The following RNF43 variants were observed in gnomAD, a reference collection of about 807,000 sequenced individuals.
RNF43 encodes the protein E3 ubiquitin-protein ligase RNF43.
In RNF43, 37 loss-of-function variants were observed where a neutral mutation model predicts 78.4. The observed-to-expected ratio is 0.47, with a 90% CI of 0.36 to 0.62. RNF43 has a LOEUF of 0.62. Ranked by LOEUF, RNF43 falls within the 20% of genes least tolerant of loss-of-function variation. The pLI is 0.00. For synonymous variants in RNF43, 347 were observed against 395.0 expected (o/e 0.88, Z 1.44); for missense variants, 774 against 1,007.9 (o/e 0.77, Z 3.14).
Position 58,358,855 on chromosome 17 carries a change from A to C in RNF43, c.953-32T>G, listed in dbSNP as rs996904389. 2 of 1,461,314 alleles carry C rather than the reference A, an allele frequency of 1.4e-6. No individual in the cohort carries two copies. The highest frequency in any genetic ancestry group is 1.8e-6 in the Non-Finnish European group (2 of 1,110,682). 90.5% of individuals were successfully genotyped at this position (1,461,314 alleles called of 1,614,324 possible). The stretch of plus-strand genomic sequence containing the variant: ...AAAAGAACCAAGAGCACAGATGTTT[A>C]ACTCTACAAACCTACAGAGAATGCA... On this transcript the variant is annotated intron_variant, in intron 8 of 9. Transcript: ENST00000407977. The surrounding 1 kb of genome is among the most constrained non-coding windows in gnomAD (Gnocchi z 6.2).
At chr17:58,368,652 G>A (rs542286329) in intron 3 of RNF43, among the ~76,000 whole-genome samples, 1 of 151,082 alleles carries the variant, frequency 6.6e-6, no homozygotes, top group East Asian at 1.9e-4. Context: ...GGCAGAGGTT[G>A]CAGTGAGCCG....
chr17:58,405,362 C>A (rs1248177734), intron 2 of RNF43, among the ~76,000 whole-genome samples: 1 of 152,026 alleles, frequency 6.6e-6, no homozygotes, highest in Non-Finnish European at 1.5e-5. Flanking sequence ...CAGGCGTGAG[C>A]CACCGCACCC....
At chr17:58,367,573 A>C (rs1972983732) in intron 3 of RNF43, among the ~76,000 whole-genome samples, 1 of 152,186 alleles carries the variant, frequency 6.6e-6, no homozygotes, top group African/African-American at 2.4e-5. Context: ...GCTTTTCTCC[A>C]GATCTAGCTC....
At chr17:58,352,862 AT>A (rs1972589069), downstream of RNF43, 1 of 218,486 alleles carries the variant, frequency 4.6e-6, no homozygotes, top group Non-Finnish European at 9.2e-6. Flanking sequence ...TTTGTAGGAG[AT>A]TAGGTGTCCT....
intron 2 of RNF43, among the ~76,000 whole-genome samples, chr17:58,384,582 C>T (rs1973392415): frequency 6.6e-6 from 1 of 152,176 alleles, no homozygotes; most frequent in African/African-American, 2.4e-5. Context: ...ATTAGTACCA[C>T]CCGTTCCACA....
intron 1 of RNF43, chr17:58,416,178 T>A (rs1974120402): frequency 6.3e-6 from 1 of 158,286 alleles, no homozygotes; most frequent in Admixed American, 6.4e-5. Flanking sequence ...CACACGTTGA[T>A]GTCCAAAGAT....
Position 58,360,331 on chromosome 17 carries a change from C to G in RNF43, c.850-80G>C. ...AGGAATCAGGACATCCCCCAACTCC[C>G]TTAGGCCTCTCCTTGCTATTATCTA... On this transcript the variant is annotated intron_variant, in intron 7 of 9. Transcript: ENST00000407977. This position sits in a 1 kb window ranked among gnomAD's most constrained non-coding sequence, Gnocchi z 4.3. The G allele has an allele frequency of 1.0e-6, 1 of 978,722 alleles. No individual in the cohort carries two copies. The highest frequency in any genetic ancestry group is 1.3e-5 in the South Asian group (1 of 75,542). The allele number at this position is 978,722 out of a possible 1,614,324, so 60.6% of individuals were successfully genotyped here. A position where few individuals can be genotyped will look rare whatever the true frequency, so the allele number is the denominator to read the frequency against.
At chr17:58,381,154 G>C (rs924660144) in intron 2 of RNF43, among the ~76,000 whole-genome samples, 1 of 152,232 alleles carries the variant, frequency 6.6e-6, no homozygotes, top group Non-Finnish European at 1.5e-5. Context: ...CATAGGGGTA[G>C]TTGTACTCAG....
chr17:58,356,802 G>A (rs914748855), intron 9 of RNF43, among the ~76,000 whole-genome samples: 6 of 151,456 alleles, frequency 4.0e-5, no homozygotes, highest in Admixed American at 3.3e-4. Context: ...ACTGAGCTGT[G>A]AGCATTGGTA....
In RNF43 at chr17:58,360,485, A is replaced by T. The variant is rs1020691185; in HGVS notation, c.850-234T>A. Among the ~76,000 whole-genome samples the T allele has an allele frequency of 6.6e-6, 1 of 152,232 alleles. No individual in the cohort carries two copies. The highest frequency in any genetic ancestry group is 6.5e-5 in the Admixed American group (1 of 15,280). ...GACAGTTTTCTGCTGTAAAATGAAG[A>T]TAAAAAAATGAATCTAACCCCACCC... On this transcript the variant is annotated intron_variant, in intron 7 of 9. Transcript: ENST00000407977. This position sits in a 1 kb window ranked among gnomAD's most constrained non-coding sequence, Gnocchi z 4.3.
rs1476396767 is a variant in RNF43 at position 58,358,424 on chromosome 17, C to T, written c.1352G>A (p.Cys451Tyr). Residue 451 changes from cysteine (C) to tyrosine (Y), a missense_variant, in exon 9 of 10, where the codon TGC becomes TAC. Physicochemically the swap from Cys to Tyr is radical, Grantham distance 194. Transcript: ENST00000407977. This position sits in a 1 kb window ranked among gnomAD's most constrained non-coding sequence, Gnocchi z 6.2. ...PDSSGSGESY[C>Y]TERSGYLADG... ...TGCCAGGTACCCACTGCGTTCTGTG[C>T]AATAGCTTTCTCCAGATCCACTGCT... 6.2e-7 allele frequency: 1 copy of T among 1,613,952 alleles called. No homozygotes were observed. The highest frequency in any genetic ancestry group is 1.7e-5 in the Admixed American group (1 of 60,004).
At chr17:58,368,515 C>A (rs918971319) in intron 3 of RNF43, among the ~76,000 whole-genome samples, 21 of 151,834 alleles carry the variant, frequency 1.4e-4, no homozygotes, top group Admixed American at 1.4e-3. Context: ...CCACTGCACT[C>A]CAGCCTGGGC....
chr17:58,401,244 T>C (rs1397426672), intron 2 of RNF43, among the ~76,000 whole-genome samples: 1 of 152,250 alleles, frequency 6.6e-6, no homozygotes, highest in South Asian at 2.1e-4. Flanking sequence ...AAGTTACTTC[T>C]CCTCCATTTG....
intron 1 of RNF43, 118 bp from the exon 2 acceptor site, chr17:58,416,080 A>G (rs781156585): frequency 2.8e-5 from 5 of 181,382 alleles, no homozygotes; most frequent in African/African-American, 7.1e-5. Context: ...TTAAGCCATA[A>G]TATGTGTTAA....
At chr17:58,381,247 G>A (rs1973309905) in intron 2 of RNF43, among the ~76,000 whole-genome samples, 1 of 152,178 alleles carries the variant, frequency 6.6e-6, no homozygotes, top group Admixed American at 6.5e-5. Context: ...AGAAGCCATT[G>A]GGGGGTTGAC....
chr17:58,411,284 A>G (rs1412257348), intron 2 of RNF43, among the ~76,000 whole-genome samples: 1 of 152,112 alleles, frequency 6.6e-6, no homozygotes, highest in Admixed American at 6.6e-5. Flanking sequence ...TAGTGTCAGC[A>G]TATTCTTCTG....
chr17:58,355,061 AGT>A (rs1165950986), intron 9 of RNF43, 75 bp from the exon 10 acceptor site: 1 of 1,305,280 alleles, frequency 7.7e-7, no homozygotes, highest in Non-Finnish European at 1.1e-6. Flanking sequence ...CCTGCAGCAG[AGT>A]GTGGCTGAGA....
At chr17:58,394,339 T>C (rs183932321) in intron 2 of RNF43, among the ~76,000 whole-genome samples, 29 of 152,276 alleles carry the variant, frequency 1.9e-4, no homozygotes, top group African/African-American at 6.5e-4. Context: ...CATGCTCTTA[T>C]AGAAAATAGC....
At chr17:58,407,423 T>A (rs961528853) in intron 2 of RNF43, among the ~76,000 whole-genome samples, 3 of 152,140 alleles carry the variant, frequency 2.0e-5, no homozygotes, top group Non-Finnish European at 4.4e-5. Flanking sequence ...CTTCTTATCT[T>A]GAGGAATAAT....
Sources: allele counts gnomAD v4.1 joint callset (sites outside exome capture counted in the v4.1 genomes callset), GRCh38; gene constraint gnomAD v4.1.1; non-coding constraint Gnocchi (gnomAD v3.1); transcripts MANE v1.5; gene names NCBI Gene and HGNC (gene_info 2026-07-23, HGNC 2026-07-21).